Variants in ANO4 observed in about 807,000 individuals in gnomAD.
ANO4 encodes anoctamin-4.
ANO4 carries 69 observed loss-of-function variants against 141.9 expected under a neutral mutation model. The ratio of observed to expected loss-of-function variants is 0.49; its 90% confidence interval spans 0.40 to 0.59. The LOEUF (loss-of-function observed/expected upper bound fraction) is 0.59, where lower values mean the gene tolerates loss of function less well. Among genes scored for constraint, ANO4 ranks in the 20% least tolerant of loss-of-function variants. The pLI is 0.00. For synonymous variants in ANO4, 350 were observed against 394.3 expected, an observed-to-expected ratio of 0.89 and a Z score of 1.33; for missense variants, 894 against 1,162.2, an observed-to-expected ratio of 0.77 and a Z score of 3.36.
At chr12:100,765,464 A>G (rs1301902161) in intron 3 of ANO4, among the ~76,000 whole-genome samples, 3 of 147,186 alleles carry the variant, frequency 2.0e-5, no homozygotes, top group African/African-American at 7.6e-5. Flanking sequence ...ATGCAGCCTC[A>G]GCCTTCCAGG....
intron 3 of ANO4, among the ~76,000 whole-genome samples, chr12:100,775,894 C>G (rs2033485491): frequency 6.6e-6 from 1 of 150,978 alleles, no homozygotes; most frequent in South Asian, 2.1e-4. Flanking sequence ...TTTTTAAGTA[C>G]CTATGATTTC....
At chr12:101,125,392 C>T (rs942189673) in intron 26 of ANO4, among the ~76,000 whole-genome samples, 19 of 152,040 alleles carry the variant, frequency 1.2e-4, no homozygotes, top group African/African-American at 3.9e-4. Context: ...TTTCTAGACA[C>T]GGGATCAGGT....
At chr12:100,941,714 A>T (rs1393959569) in intron 4 of ANO4, among the ~76,000 whole-genome samples, 1 of 151,974 alleles carries the variant, frequency 6.6e-6, no homozygotes, top group East Asian at 1.9e-4. Flanking sequence ...CTTACATGTT[A>T]TGCACATATT....
intron 1 of ANO4, among the ~76,000 whole-genome samples, chr12:100,731,060 C>T (rs1192494650): frequency 6.6e-6 from 1 of 152,202 alleles, no homozygotes; most frequent in Non-Finnish European, 1.5e-5. Context: ...CATTCACCTA[C>T]AAAGCCATCT....
chr12:100,882,467 G>A (rs2039617474), intron 1 of ANO4, among the ~76,000 whole-genome samples: 1 of 152,092 alleles, frequency 6.6e-6, no homozygotes, highest in South Asian at 2.1e-4. Context: ...ACCTCTAGAG[G>A]TTAATTAAAA....
chr12:101,011,893 C>T (rs567239425), intron 8 of ANO4, among the ~76,000 whole-genome samples: 4 of 152,186 alleles, frequency 2.6e-5, no homozygotes, highest in South Asian at 4.1e-4. Context: ...AAAGTTACCC[C>T]TTCCTCCTGA....
intron 5 of ANO4, among the ~76,000 whole-genome samples, chr12:100,947,415 G>A (rs1349738808): frequency 1.3e-5 from 2 of 152,144 alleles, no homozygotes; most frequent in African/African-American, 4.8e-5. Context: ...CATACTCATT[G>A]GTAAGGCCAA....
chr12:100,817,026 G>A lies in ANO4; in HGVS notation c.-141+21999G>A, dbSNP rs542937011. Reference sequence around the variant, plus strand: ...TATTTATCTTGTGGGGAATGACTTAGGAACAGTTTTCTTGAATGTAGAGAT... The same window carrying A: ...TATTTATCTTGTGGGGAATGACTTAAGAACAGTTTTCTTGAATGTAGAGAT... On this transcript the variant is annotated intron_variant, in intron 1 of 27. Coordinates refer to ENST00000392977, the MANE Select transcript of ANO4 (RefSeq NM_001286615.2). Among the ~76,000 whole-genome samples, 3 of 151,872 alleles carry A rather than the reference G, an allele frequency of 2.0e-5. No individual in the cohort carries two copies. In the South Asian group the frequency reaches 6.2e-4, roughly 32 times the overall value.
At chr12:101,053,553 G>A (rs1341161849) in intron 14 of ANO4, among the ~76,000 whole-genome samples, 2 of 152,154 alleles carry the variant, frequency 1.3e-5, no homozygotes, top group East Asian at 1.9e-4. Context: ...GATGGTCCTT[G>A]GCCTTCCTTG....
chr12:100,916,371 A>G (rs1275603536), intron 2 of ANO4, among the ~76,000 whole-genome samples: 1 of 151,970 alleles, frequency 6.6e-6, no homozygotes, highest in East Asian at 1.9e-4. Flanking sequence ...TGTAGACTAA[A>G]AAAAAATCAG....
chr12:100,991,422 T>C (rs76497002), intron 8 of ANO4, among the ~76,000 whole-genome samples: 13,135 of 151,792 alleles, frequency 0.087, 794 homozygotes, highest in Non-Finnish European at 0.14. Context: ...TCCAGAATGT[T>C]TCATATTGTG....
At chr12:100,889,806 C>G (rs1341001124) in intron 1 of ANO4, among the ~76,000 whole-genome samples, 1 of 152,052 alleles carries the variant, frequency 6.6e-6, no homozygotes, top group African/African-American at 2.4e-5. Context: ...TAAACTAGTT[C>G]AACACTTAAT....
rs115074815 is a variant in ANO4 at position 100,824,573 on chromosome 12, G to A, written c.-141+29546G>A. Among the ~76,000 whole-genome samples, 504 of 152,168 alleles carry A rather than the reference G, an allele frequency of 3.3e-3. 3 individuals carry two copies. The highest frequency in any genetic ancestry group is 0.012 in the African/African-American group (481 of 41,560). ...ACAGTGTCACATTAGCTGGTTTAGC[G>A]AGAGTGTTGTATTCTACAGAAATGT... On this transcript the variant is annotated intron_variant, in intron 1 of 27. Coordinates refer to ENST00000392977, the MANE Select transcript of ANO4 (RefSeq NM_001286615.2).
intron 1 of ANO4, among the ~76,000 whole-genome samples, chr12:100,887,732 C>A (rs1233725737): frequency 1.3e-5 from 2 of 152,136 alleles, no homozygotes; most frequent in African/African-American, 4.8e-5. Flanking sequence ...ATGAATAAGT[C>A]AATAAATAAT....
At chr12:100,980,848 T>G (rs1387428245) in intron 7 of ANO4, among the ~76,000 whole-genome samples, 1 of 152,210 alleles carries the variant, frequency 6.6e-6, no homozygotes, top group East Asian at 1.9e-4. Context: ...CATTATAAAT[T>G]GCCTATCCAA....
intron 9 of ANO4, among the ~76,000 whole-genome samples, chr12:101,026,499 G>C (rs993510385): frequency 4.6e-5 from 7 of 152,090 alleles, no homozygotes; most frequent in Non-Finnish European, 7.4e-5. Flanking sequence ...ATTCCCAGAA[G>C]GTGTTTTGTG....
chr12:100,928,839 G>A lies in ANO4; in HGVS notation c.160+6509G>A, dbSNP rs79211681. On this transcript the variant is annotated intron_variant, in intron 3 of 27. Transcript: ENST00000392977. ...AAGAGAAGCTCTTCTTAGCAAATAC[G>A]CTAAATCAGAAACAAGTTAATGATC... is the stretch of plus-strand genomic sequence containing the variant. Among the ~76,000 whole-genome samples the A allele has an allele frequency of 3.8e-3, 577 of 152,130 alleles. 31 individuals carry two copies. In the East Asian group the frequency reaches 0.096, roughly 25 times the overall value.
chr12:101,054,551 G>C (rs528846613), intron 14 of ANO4, among the ~76,000 whole-genome samples: 30 of 152,306 alleles, frequency 2.0e-4, no homozygotes, highest in Admixed American at 1.2e-3. Flanking sequence ...CCAGGCTGGA[G>C]TGCAGTGGCA....
chr12:100,745,411 T>C (rs1008762250), intron 3 of ANO4, among the ~76,000 whole-genome samples: 1 of 152,244 alleles, frequency 6.6e-6, no homozygotes, highest in African/African-American at 2.4e-5. Flanking sequence ...AATACAGTTT[T>C]TTCATATGGC....
Sources: allele counts gnomAD v4.1 joint callset (sites outside exome capture counted in the v4.1 genomes callset), GRCh38; gene constraint gnomAD v4.1.1; transcripts MANE v1.5; gene names NCBI Gene and HGNC (gene_info 2026-07-23, HGNC 2026-07-21).